CEBPZ: variants seen among roughly 807,000 people sequenced by gnomAD.
CEBPZ encodes CCAAT/enhancer-binding protein zeta.
CEBPZ carries 78 observed loss-of-function variants against 104.5 expected under a neutral mutation model. The observed-to-expected ratio is 0.75, with a 90% CI of 0.62 to 0.90. The LOEUF (loss-of-function observed/expected upper bound fraction) is 0.90, where lower values mean the gene tolerates loss of function less well. Among genes scored for constraint, CEBPZ ranks in the 40% least tolerant of loss-of-function variants. The pLI is 0.00. For missense variants in CEBPZ, 1,439 were observed against 1,233.5 expected (o/e 1.17, Z -2.50); for synonymous variants, 470 against 427.0 (o/e 1.10, Z -1.24).
At chr2:37,225,613 G>T (rs529993809) in intron 2 of CEBPZ, among the ~76,000 whole-genome samples, 115 of 83,532 alleles carry the variant, frequency 1.4e-3, no homozygotes, top group Admixed American at 2.4e-3. Flanking sequence ...AAAAACTGCG[G>T]AAGGCCGCAG....
intron 11 of CEBPZ, 125 bp from the exon 12 acceptor site, chr2:37,212,164 G>A (rs1489707099): frequency 2.0e-6 from 2 of 998,500 alleles, no homozygotes; most frequent in Non-Finnish European, 3.0e-6. Context: ...ACTGCTCAGA[G>A]TAAATAATAA....
At chr2:37,207,347 A>G (rs1677574034) in intron 13 of CEBPZ, among the ~76,000 whole-genome samples, 1 of 152,218 alleles carries the variant, frequency 6.6e-6, no homozygotes, top group South Asian at 2.1e-4. Flanking sequence ...ACTGCAGAAT[A>G]TACATTATTT....
At chr2:37,230,368 T>C (rs1428637134) in intron 1 of CEBPZ, among the ~76,000 whole-genome samples, 10 of 152,208 alleles carry the variant, frequency 6.6e-5, no homozygotes, top group African/African-American at 1.9e-4. Flanking sequence ...GTAAAAATAA[T>C]TGCTTCCTAT....
At chr2:37,217,083 C>A (rs769480565) in intron 5 of CEBPZ, 46 bp from the exon 6 acceptor site, 2 of 1,487,948 alleles carry the variant, frequency 1.3e-6, no homozygotes, top group South Asian at 1.1e-5. Flanking sequence ...AAGGTCGACT[C>A]TTAGTACATT....
At chr2:37,226,371 T>C (rs1212439114) in intron 2 of CEBPZ, among the ~76,000 whole-genome samples, 1 of 152,208 alleles carries the variant, frequency 6.6e-6, no homozygotes, top group Non-Finnish European at 1.5e-5. Context: ...ACATTTCACA[T>C]AGCACTAAGT....
chr2:37,211,934 T>C lies in CEBPZ; in HGVS notation c.2709A>G (p.Leu903=). The change falls in exon 12 of 16, where the codon TTA becomes TTG. Residue 903 remains leucine, a synonymous_variant. Coordinates refer to ENST00000234170, the MANE Select transcript of CEBPZ (RefSeq NM_005760.3). ...LGNLDDDEVS[L]GSMDDEEFAE... ...CAAATTCTTCATCATCCATACTTCC[T>C]AAAGAAACTTCATCGTCATCCAGGT... The C allele has an allele frequency of 6.2e-7, 1 of 1,613,774 alleles. No homozygotes were observed. Among genetic ancestry groups the C allele is most frequent in the Non-Finnish European group, 8.5e-7 (1 of 1,179,830 alleles).
Position 37,222,476 on chromosome 2 carries a change from C to A in CEBPZ, c.1969G>T (p.Val657Leu). 1 of 1,611,214 alleles carries A rather than the reference C, an allele frequency of 6.2e-7. No individual in the cohort carries two copies. Among genetic ancestry groups the A allele is most frequent in the Non-Finnish European group, 8.5e-7 (1 of 1,179,094 alleles). The change falls in exon 4 of 16, where the codon GTG (valine) becomes TTG (leucine). Residue 657 changes from valine (V) to leucine (L), a missense_variant. By Grantham distance (32) the Val-to-Leu change is conservative. Coordinates refer to ENST00000234170, the MANE Select transcript of CEBPZ (RefSeq NM_005760.3). ...FTDADKETEI[V>L]KKLETEETVP... ...GTTTCCTCTGTCTCAAGTTTTTTCACTATCTCTGTTTCTTTGTCTGCATCA... is the reference window on the plus strand; with the variant it reads ...GTTTCCTCTGTCTCAAGTTTTTTCAATATCTCTGTTTCTTTGTCTGCATCA...
chr2:37,221,882 A>C (rs1420987314), intron 4 of CEBPZ, among the ~76,000 whole-genome samples: 1 of 151,978 alleles, frequency 6.6e-6, no homozygotes, highest in Non-Finnish European at 1.5e-5. Context: ...TTTTTTTTTG[A>C]CTCTAACATT....
chr2:37,231,340 C>CGGG, intron 1 of CEBPZ, 72 bp downstream of exon 1: 1 of 1,584,434 alleles, frequency 6.3e-7, no homozygotes, highest in Non-Finnish European at 8.6e-7. Context: ...GCGGAAGCGG[C>CGGG]GGGGCAGTCA....
At chr2:37,203,973 ATAG>A (rs1282039761) in intron 13 of CEBPZ, 3 of 152,204 alleles carry the variant, frequency 2.0e-5, no homozygotes, top group Non-Finnish European at 4.4e-5. Context: ...TTTGGCATTA[ATAG>A]TGCTGCTGTG....
At chr2:37,203,636 G>A (rs928397558) in intron 13 of CEBPZ, 1 of 152,134 alleles carries the variant, frequency 6.6e-6, no homozygotes, top group African/African-American at 2.4e-5. Context: ...ACGCATTTTG[G>A]TAAATTTACA....
At chr2:37,221,535 T>A (rs993646675) in intron 4 of CEBPZ, among the ~76,000 whole-genome samples, 2 of 152,192 alleles carry the variant, frequency 1.3e-5, no homozygotes, top group African/African-American at 2.4e-5. Flanking sequence ...AGGTCTGACA[T>A]TATCTTCATG....
intron 13 of CEBPZ, chr2:37,209,609 A>G (rs1205138288): frequency 1.3e-5 from 2 of 152,212 alleles, no homozygotes; most frequent in African/African-American, 4.8e-5. Flanking sequence ...ATTAAACTGG[A>G]TCCTCATTTC....
At position 37,202,192 on chromosome 2, in the gene CEBPZ, A is replaced by G. The variant is rs80052848; in HGVS notation, c.3026-289T>C. On this transcript the variant is annotated intron_variant, in intron 15 of 15. Coordinates refer to ENST00000234170, the MANE Select transcript of CEBPZ (RefSeq NM_005760.3). ...AAAAACCAGTAACAATCAATATGTA[A>G]AAACGGCCCACTTCCCTAAAAAAAA... 748 of 234,538 alleles carry G rather than the reference A, an allele frequency of 3.2e-3. 19 individuals are homozygous for G. In the East Asian group the frequency reaches 0.035, roughly 11 times the overall value. The allele number at this position is 234,538 out of a possible 1,614,324, so 14.5% of individuals were successfully genotyped here.
chr2:37,229,136 TG>T, intron 1 of CEBPZ, 100 bp from the exon 2 acceptor site: 1 of 1,091,990 alleles, frequency 9.2e-7, no homozygotes, highest in Non-Finnish European at 1.2e-6. Flanking sequence ...ATTTCGGAAC[TG>T]GAAAAATCCT....
intron 12 of CEBPZ, 190 bp from the exon 13 acceptor site, chr2:37,211,272 C>T (rs139504436): frequency 1.7e-5 from 7 of 406,632 alleles, no homozygotes; most frequent in Non-Finnish European, 3.0e-5. Context: ...TGGCACAGTT[C>T]TAATATTTTG....
chr2:37,212,581 T>A (rs934825482), intron 10 of CEBPZ, 189 bp from the exon 11 acceptor site: 3 of 542,474 alleles, frequency 5.5e-6, no homozygotes, highest in Non-Finnish European at 9.7e-6. Context: ...CTGATCTTAG[T>A]TAAATCCCAA....
chr2:37,231,163 T>A, intron 1 of CEBPZ: 3 of 666,790 alleles, frequency 4.5e-6, no homozygotes, highest in Non-Finnish European at 8.4e-6. Context: ...TTATACCACG[T>A]CAATAAAATC....
intron 13 of CEBPZ, among the ~76,000 whole-genome samples, chr2:37,205,432 G>A (rs963677611): frequency 4.6e-5 from 7 of 151,872 alleles, no homozygotes; most frequent in Non-Finnish European, 7.4e-5. Flanking sequence ...AGCACCTTGT[G>A]ACCCCCACTC....
Sources: allele counts gnomAD v4.1 joint callset (sites outside exome capture counted in the v4.1 genomes callset), GRCh38; gene constraint gnomAD v4.1.1; transcripts MANE v1.5; gene names NCBI Gene and HGNC (gene_info 2026-07-23, HGNC 2026-07-21).